The following OR7E24 variants were observed in gnomAD, a reference collection of about 807,000 sequenced individuals.
The protein encoded by OR7E24 is olfactory receptor 7E24.
For missense variants in OR7E24, 385 were observed against 410.3 expected, an observed-to-expected ratio of 0.94 and a Z score of 0.53; for synonymous variants, 130 against 157.5, an observed-to-expected ratio of 0.83 and a Z score of 1.31.
the OR7E24 span, chr19:9,210,907 A>G: frequency 6.6e-6 from 1 of 152,250 alleles, no homozygotes; most frequent in Admixed American, 6.5e-5. Flanking sequence ...AAGGTCCAGG[A>G]GAACATTGTT....
chr19:9,211,808 ATTC>A, the OR7E24 span: 1 of 148,036 alleles, frequency 6.8e-6, no homozygotes, highest in East Asian at 2.0e-4. Context: ...GGTGCAACAT[ATTC>A]TTCTCATGGA....
chr19:9,246,366 C>A (rs1030869699), upstream of OR7E24, among the ~76,000 whole-genome samples: 1 of 151,876 alleles, frequency 6.6e-6, no homozygotes, highest in Non-Finnish European at 1.5e-5. Flanking sequence ...CCGCGCCGGG[C>A]CTCAATTTGC....
In OR7E24 at chr19:9,251,524, TTCTTAA is replaced by T. The variant is rs1256983440; in HGVS notation, c.486_491del (p.Ile163_Leu164del). ...CATCATGAACCCACGCCTCTGTGGCTTCTTAATCTTGTTGTCTTTTTTTATTAGTCT... is the reference window on the plus strand; with the variant it reads ...CATCATGAACCCACGCCTCTGTGGCTTCTTGTTGTCTTTTTTTATTAGTCT... On this transcript the variant is annotated inframe_deletion, in exon 1 of 1. Transcript: ENST00000456448. 1.1e-5 allele frequency: 17 copies of T among 1,614,022 alleles called. No individual in the cohort carries two copies. The highest frequency in any genetic ancestry group is 1.4e-5 in the Non-Finnish European group (16 of 1,180,030).
chr19:9,210,257 A>C, the OR7E24 span: 1 of 152,162 alleles, frequency 6.6e-6, no homozygotes, highest in African/African-American at 2.4e-5. Flanking sequence ...TCATTGACAA[A>C]TATTGTTGAG....
chr19:9,251,844 C>T lies in OR7E24; in HGVS notation c.801C>T (p.Cys267=). ...GTGGCTCTCACCTGGCAGTTGTTTG[C>T]TTATTTTATGGAACAGGGCTTGTAG... is the stretch of plus-strand genomic sequence containing the variant. ...STCGSHLAVV[C]LFYGTGLVGY... The change falls in exon 1 of 1, where the codon TGC becomes TGT. Residue 267 remains cysteine, a synonymous_variant. Transcript: ENST00000456448. The T allele has an allele frequency of 6.2e-7, 1 of 1,613,988 alleles. No individual in the cohort carries two copies. Among genetic ancestry groups the T allele is most frequent in the Non-Finnish European group, 8.5e-7 (1 of 1,179,934 alleles).
At chr19:9,248,497 C>T (rs374740234), upstream of OR7E24, among the ~76,000 whole-genome samples, 96 of 152,304 alleles carry the variant, frequency 6.3e-4, no homozygotes, top group African/African-American at 2.1e-3. Flanking sequence ...CCTTCCCCCC[C>T]TCGAATCCGT....
chr19:9,230,234 G>A, the OR7E24 span, among the ~76,000 whole-genome samples: 1 of 151,886 alleles, frequency 6.6e-6, no homozygotes, highest in Non-Finnish European at 1.5e-5. Flanking sequence ...TAGTAGAGAC[G>A]GGGTTTCTCC....
At chr19:9,238,147 G>A in the OR7E24 span, among the ~76,000 whole-genome samples, 3 of 152,104 alleles carry the variant, frequency 2.0e-5, no homozygotes, top group Admixed American at 6.6e-5. Context: ...GGTGGCATAC[G>A]CCTGTAATCC....
At chr19:9,226,826 A>C in the OR7E24 span, among the ~76,000 whole-genome samples, 1 of 152,162 alleles carries the variant, frequency 6.6e-6, no homozygotes, top group Non-Finnish European at 1.5e-5. Flanking sequence ...GAACAGAAGC[A>C]CAAAGTCCCC....
the OR7E24 span, among the ~76,000 whole-genome samples, chr19:9,224,762 C>CAAAA: frequency 1.5e-4 from 21 of 141,662 alleles, no homozygotes; most frequent in African/African-American, 4.5e-4. Context: ...GAGACTTGGT[C>CAAAA]AAAACAAAAA....
chr19:9,249,824 G>A (rs948596690), upstream of OR7E24, among the ~76,000 whole-genome samples: 20 of 151,966 alleles, frequency 1.3e-4, no homozygotes, highest in Non-Finnish European at 1.9e-4. Flanking sequence ...ATGGTGGGGC[G>A]TGCGCCTGTA....
the OR7E24 span, chr19:9,235,843 A>C: frequency 2.5e-4 from 403 of 1,611,026 alleles, no homozygotes; most frequent in Non-Finnish European, 3.2e-4. Flanking sequence ...CACCGAGGGC[A>C]AGTACAAAGC....
At chr19:9,241,304 T>C in the OR7E24 span, among the ~76,000 whole-genome samples, 1 of 152,186 alleles carries the variant, frequency 6.6e-6, no homozygotes, top group Non-Finnish European at 1.5e-5. Flanking sequence ...GTGGTGGTTG[T>C]CAGAGAGATC....
the OR7E24 span, chr19:9,236,052 A>G: frequency 6.3e-7 from 1 of 1,587,994 alleles, no homozygotes; most frequent in South Asian, 1.1e-5. Context: ...CCCTGGGGAG[A>G]CTCCTTAGCA....
At chr19:9,248,634 A>C (rs377767220), upstream of OR7E24, among the ~76,000 whole-genome samples, 1 of 152,200 alleles carries the variant, frequency 6.6e-6, no homozygotes, top group South Asian at 2.1e-4. Context: ...AGATCACATC[A>C]AAGATCCCAG....
At chr19:9,211,774 CAAAAAAAAAAAAA>C in the OR7E24 span, 1 of 75,930 alleles carries the variant, frequency 1.3e-5, no homozygotes, top group Non-Finnish European at 3.0e-5. Flanking sequence ...GACTCCATCT[CAAAAAAAAAAAAA>C]AAAAAAAAAA....
the OR7E24 span, chr19:9,214,607 T>C: frequency 2.5e-6 from 4 of 1,614,116 alleles, no homozygotes; most frequent in Non-Finnish European, 3.4e-6. Flanking sequence ...TCTTGGGGAC[T>C]GTGGTGGAGA....
chr19:9,247,556 T>C, upstream of OR7E24: 1 of 398,644 alleles, frequency 2.5e-6, no homozygotes, highest in Non-Finnish European at 4.4e-6. Context: ...TGTTTCCTCA[T>C]CCTCAGCACA....
chr19:9,239,929 G>A, the OR7E24 span, among the ~76,000 whole-genome samples: 16,535 of 151,712 alleles, frequency 0.11, 1,035 homozygotes, highest in East Asian at 0.27. Context: ...GGCTGGTCTC[G>A]AACTGACCTC....
Sources: gnomAD v4.1 joint callset for allele counts (sites outside exome capture counted in the v4.1 genomes callset) on GRCh38, gnomAD v4.1.1 for gene constraint, MANE v1.5 for transcripts, NCBI Gene and HGNC (gene_info 2026-07-23, HGNC 2026-07-21) for gene names.